MAP6: variants seen among roughly 807,000 people sequenced by gnomAD.
MAP6 encodes the protein microtubule associated protein 6.
A neutral mutation model predicts 42.4 loss-of-function variants in MAP6; 26 were observed. The ratio of observed to expected loss-of-function variants is 0.61; its 90% CI spans 0.45 to 0.85. The LOEUF is 0.85. Ranked by LOEUF, MAP6 falls within the 40% of genes least tolerant of loss-of-function variation. The pLI is 0.00. For missense variants in MAP6, 966 were observed against 1,099.0 expected (o/e 0.88, Z 1.71); for synonymous variants, 418 against 443.8 (o/e 0.94, Z 0.73).
At chr11:75,614,090 CTG>C (rs1483593173) in intron 1 of MAP6, among the ~76,000 whole-genome samples, 2 of 152,186 alleles carry the variant, frequency 1.3e-5, no homozygotes, top group African/African-American at 2.4e-5. Context: ...GTAGCATGCA[CTG>C]TGCTATATTT....
At chr11:75,663,026 A>G (rs1943882481) in intron 1 of MAP6, among the ~76,000 whole-genome samples, 1 of 148,810 alleles carries the variant, frequency 6.7e-6, no homozygotes, top group Non-Finnish European at 1.5e-5. Context: ...CAGTGGCATG[A>G]TCTTGGCTCA....
chr11:75,608,344 T>C (rs528758576), intron 1 of MAP6, 22 bp from the exon 2 acceptor site: 1 of 1,599,836 alleles, frequency 6.3e-7, no homozygotes, highest in East Asian at 2.2e-5. Context: ...AGAAAGCATA[T>C]GTGATATGAA....
At chr11:75,612,478 G>A (rs188730537) in intron 1 of MAP6, among the ~76,000 whole-genome samples, 1 of 152,326 alleles carries the variant, frequency 6.6e-6, no homozygotes, top group East Asian at 1.9e-4. Flanking sequence ...TGGGGAAAGG[G>A]TTATTGAAGG....
intron 1 of MAP6, among the ~76,000 whole-genome samples, chr11:75,647,551 A>AACCAAGT (rs1943583084): frequency 6.6e-6 from 1 of 152,150 alleles, no homozygotes; most frequent in African/African-American, 2.4e-5. Flanking sequence ...ATACCGCAAC[A>AACCAAGT]ACCAAGTAGA....
At position 75,667,842 on chromosome 11, in the gene MAP6, C is replaced by T. The variant is rs1943986580; in HGVS notation, c.528G>A (p.Lys176=). 7.0e-7 allele frequency: 1 copy of T among 1,423,846 alleles called. No homozygotes were observed. Among genetic ancestry groups the T allele is most frequent in the East Asian group, 3.0e-5 (1 of 33,522 alleles). The allele number at this position is 1,423,846 out of a possible 1,614,324, so 88.2% of individuals were successfully genotyped here. A position where few individuals can be genotyped will look rare whatever the true frequency, so the allele number is the denominator to read the frequency against. The change falls in exon 1 of 4, where the codon AAG becomes AAA. Residue 176 remains lysine, a synonymous_variant. Transcript: ENST00000304771. This position sits in a 1 kb window ranked among gnomAD's most constrained non-coding sequence, Gnocchi z 5.6. ...PRRGDHPWIP[K]PVQISAASQA... The stretch of plus-strand genomic sequence containing the variant: ...GGGAGGCCGCAGAGATCTGCACGGG[C>T]TTGGGGATCCACGGGTGGTCCCCGC...
chr11:75,624,755 G>A (rs1943167870), intron 1 of MAP6, among the ~76,000 whole-genome samples: 1 of 152,154 alleles, frequency 6.6e-6, no homozygotes, highest in African/African-American at 2.4e-5. Context: ...ATGTTCTTTC[G>A]AAAGGCATGA....
Position 75,587,760 on chromosome 11 carries a change from C to T in MAP6, c.1741G>A (p.Val581Ile). Reference protein sequence around the residue: ...KNQAPMVPAPVKDEGPMVSAS... With the variant: ...KNQAPMVPAPIKDEGPMVSAS... ...GAGACCATGGGACCTTCATCCTTGA[C>T]AGGTGCTGGGACCATAGGAGCTTGA... Residue 581 changes from valine to isoleucine, a missense_variant, in exon 4 of 4, where the codon GTC becomes ATC. This residue lies in a region of MAP6 where 943 missense variants were observed against 1,049.9 expected (regional missense o/e 0.90). Transcript: ENST00000304771. 8 of 1,613,238 alleles carry T rather than the reference C, an allele frequency of 5.0e-6. No homozygotes were observed. The highest frequency in any genetic ancestry group is 1.7e-4 in the Middle Eastern group (1 of 6,052).
intron 1 of MAP6, among the ~76,000 whole-genome samples, chr11:75,609,427 C>T (rs1447115853): frequency 6.6e-6 from 1 of 152,160 alleles, no homozygotes; most frequent in East Asian, 1.9e-4. Flanking sequence ...TGATGACTCC[C>T]TCCTTCGGGG....
At chr11:75,633,514 G>T (rs1226612853) in intron 1 of MAP6, among the ~76,000 whole-genome samples, 1 of 152,210 alleles carries the variant, frequency 6.6e-6, no homozygotes, top group African/African-American at 2.4e-5. Flanking sequence ...TTGGAGAGCA[G>T]TGACTTACAT....
chr11:75,641,776 C>T (rs1363986275), intron 1 of MAP6, among the ~76,000 whole-genome samples: 1 of 152,206 alleles, frequency 6.6e-6, no homozygotes, highest in Admixed American at 6.5e-5. Context: ...TATCTTTCCT[C>T]GTTCTGTTCA....
chr11:75,637,239 C>G (rs916486376), intron 1 of MAP6, among the ~76,000 whole-genome samples: 1 of 152,116 alleles, frequency 6.6e-6, no homozygotes, highest in Non-Finnish European at 1.5e-5. Context: ...TTTTCTCAAG[C>G]AAAAATGTAA....
intron 1 of MAP6, among the ~76,000 whole-genome samples, chr11:75,616,811 G>A (rs1224785100): frequency 1.3e-5 from 2 of 152,184 alleles, no homozygotes; most frequent in African/African-American, 4.8e-5. Context: ...GAGAATGCCA[G>A]TATTCTAATT....
At chr11:75,611,242 C>T (rs1225561387) in intron 1 of MAP6, among the ~76,000 whole-genome samples, 1 of 152,258 alleles carries the variant, frequency 6.6e-6, no homozygotes, top group Non-Finnish European at 1.5e-5. Context: ...GGCTCCCAGA[C>T]ACATGATGGC....
At chr11:75,605,011 A>G (rs988338262) in intron 3 of MAP6, 1 of 985,410 alleles carries the variant, frequency 1.0e-6, no homozygotes, top group Non-Finnish European at 1.2e-6. Flanking sequence ...CTGCGAAACC[A>G]GCAGCATTGG....
chr11:75,604,922 C>T (rs1300914577), intron 3 of MAP6: 1 of 985,354 alleles, frequency 1.0e-6, no homozygotes, highest in African/African-American at 1.7e-5. Context: ...CCTTGGGTCT[C>T]AGAAATGGAA....
intron 1 of MAP6, among the ~76,000 whole-genome samples, chr11:75,626,806 G>A (rs957777908): frequency 6.6e-6 from 1 of 152,102 alleles, no homozygotes; most frequent in African/African-American, 2.4e-5. Flanking sequence ...GAGAGACTAC[G>A]ATCCAGGCCC....
intron 1 of MAP6, among the ~76,000 whole-genome samples, chr11:75,613,542 G>A (rs1012275881): frequency 6.6e-6 from 1 of 152,116 alleles, no homozygotes; most frequent in African/African-American, 2.4e-5. Flanking sequence ...ATTGTGATGT[G>A]TAGAAATCAC....
chr11:75,614,848 C>T (rs1942969771), intron 1 of MAP6, among the ~76,000 whole-genome samples: 1 of 152,234 alleles, frequency 6.6e-6, no homozygotes, highest in Admixed American at 6.5e-5. Context: ...TGTGTCATCT[C>T]AGCAAGACAG....
chr11:75,657,108 CTATT>C (rs946350393), intron 1 of MAP6, among the ~76,000 whole-genome samples: 12 of 149,264 alleles, frequency 8.0e-5, no homozygotes, highest in South Asian at 2.1e-4. Context: ...TGTGGAGACA[CTATT>C]TTTTTTTTTT....
Sources: gnomAD v4.1 joint callset for allele counts (sites outside exome capture counted in the v4.1 genomes callset) on GRCh38, gnomAD v4.1.1 for gene constraint, gnomAD v4.1.1 regional missense constraint, Gnocchi (gnomAD v3.1) non-coding constraint, MANE v1.5 for transcripts, NCBI Gene and HGNC (gene_info 2026-07-23, HGNC 2026-07-21) for gene names.